The following STK3 variants were observed in gnomAD, a reference collection of about 807,000 sequenced individuals.
STK3 encodes the protein serine/threonine kinase 3.
In STK3, 41 loss-of-function variants were observed where a neutral mutation model predicts 58.0. That is an observed-to-expected ratio of 0.71 (90% CI 0.55 to 0.92). The LOEUF (loss-of-function observed/expected upper bound fraction) is 0.92, where lower values mean the gene tolerates loss of function less well. Among genes scored for constraint, STK3 ranks in the 40% least tolerant of loss-of-function variants. STK3 has a pLI of 0.00. For missense variants in STK3, 479 were observed against 602.7 expected (o/e 0.79, Z 2.15); for synonymous variants, 170 against 191.0 (o/e 0.89, Z 0.91).
intron 6 of STK3, among the ~76,000 whole-genome samples, chr8:98,677,962 T>C (rs1169617747): frequency 6.6e-6 from 1 of 152,210 alleles, no homozygotes; most frequent in Non-Finnish European, 1.5e-5. Flanking sequence ...CACATGTATA[T>C]ATCAGTGTCC....
intron 7 of STK3, among the ~76,000 whole-genome samples, chr8:98,586,029 A>C (rs924344261): frequency 6.6e-6 from 1 of 152,212 alleles, no homozygotes; most frequent in Non-Finnish European, 1.5e-5. Context: ...ATATACAATC[A>C]TGTCATCAGC....
At chr8:98,688,764 G>A (rs755207174) in intron 6 of STK3, among the ~76,000 whole-genome samples, 6 of 151,970 alleles carry the variant, frequency 3.9e-5, no homozygotes, top group Non-Finnish European at 5.9e-5. Context: ...TCTGGGATAC[G>A]GCAAAAGCAG....
intron 1 of STK3, chr8:98,782,558 G>T: frequency 3.1e-6 from 1 of 318,532 alleles, no homozygotes. Flanking sequence ...CAAGTACCAT[G>T]AAGAGCGCCT....
intron 6 of STK3, among the ~76,000 whole-genome samples, chr8:98,620,609 A>G (rs1396153318): frequency 6.6e-6 from 1 of 151,650 alleles, no homozygotes; most frequent in Non-Finnish European, 1.5e-5. Flanking sequence ...AATTTGTAGG[A>G]CACATGCTGC....
chr8:98,650,257 GATA>G (rs1264824836), intron 6 of STK3, among the ~76,000 whole-genome samples: 71 of 152,230 alleles, frequency 4.7e-4, no homozygotes, highest in African/African-American at 1.7e-3. Flanking sequence ...ACTAAATAAC[GATA>G]ATGATAATAA....
At chr8:98,941,759 C>T (rs1398110326) in intron 1 of STK3, among the ~76,000 whole-genome samples, 1 of 152,242 alleles carries the variant, frequency 6.6e-6, no homozygotes, top group Non-Finnish European at 1.5e-5. Flanking sequence ...CCTCCCGGGG[C>T]GTAAACTTGC....
intron 8 of STK3, among the ~76,000 whole-genome samples, chr8:98,562,145 T>C (rs1420533530): frequency 6.6e-6 from 1 of 152,168 alleles, no homozygotes; most frequent in East Asian, 1.9e-4. Context: ...ATCCAGCAAC[T>C]ATGATCCTAG....
At position 98,706,649 on chromosome 8, in the gene STK3, CA is replaced by C; in HGVS notation, c.517-16del. On this transcript the variant is annotated splice_polypyrimidine_tract_variant and intron_variant, in intron 5 of 10. Transcript: ENST00000419617. The stretch of plus-strand genomic sequence containing the variant: ...GCCATTGTATCCTGCAATAATGTTA[CA>C]TAGCCATAAATGCTACTACAAAAGC... 1.3e-6 allele frequency: 2 copies of C among 1,562,472 alleles called. No individual in the cohort carries two copies. The highest frequency in any genetic ancestry group is 1.7e-6 in the Non-Finnish European group (2 of 1,156,510).
At chr8:98,871,218 C>CCAGTACCAAAA (rs1442530376) in intron 3 of STK3, among the ~76,000 whole-genome samples, 10 of 152,114 alleles carry the variant, frequency 6.6e-5, no homozygotes, top group Non-Finnish European at 1.5e-4. Context: ...TGTTTTGGTA[C>CCAGTACCAAAA]CAGTACCATG....
At chr8:98,818,711 T>C (rs1225617357) in intron 1 of STK3, among the ~76,000 whole-genome samples, 1 of 152,232 alleles carries the variant, frequency 6.6e-6, no homozygotes, top group East Asian at 1.9e-4. Context: ...GTTAACACTT[T>C]GTAATTCTCA....
At chr8:98,370,420 A>G (rs1466467742), downstream of STK3, among the ~76,000 whole-genome samples, 1 of 150,258 alleles carries the variant, frequency 6.7e-6, no homozygotes, top group Non-Finnish European at 1.5e-5. Context: ...ACTGATCCCA[A>G]GCTTCAGAGT....
At chr8:98,608,739 G>A (rs1324283355) in intron 6 of STK3, among the ~76,000 whole-genome samples, 1 of 152,106 alleles carries the variant, frequency 6.6e-6, no homozygotes, top group Non-Finnish European at 1.5e-5. Flanking sequence ...AAATTCAAGT[G>A]GTAGACACGG....
chr8:98,481,078 A>G (rs1821811223), intron 10 of STK3, among the ~76,000 whole-genome samples: 1 of 152,112 alleles, frequency 6.6e-6, no homozygotes, highest in Admixed American at 6.6e-5. Flanking sequence ...GGGGAGGTGT[A>G]TCAGGATATT....
intron 10 of STK3, among the ~76,000 whole-genome samples, chr8:98,478,029 G>C (rs978768351): frequency 1.3e-5 from 2 of 152,128 alleles, no homozygotes; most frequent in Non-Finnish European, 2.9e-5. Context: ...AAATTAAACA[G>C]AGGAAAGAAC....
At position 98,806,878 on chromosome 8, in the gene STK3, A is replaced by C. The variant is rs937927655; in HGVS notation, c.26+18637T>G. On this transcript the variant is annotated intron_variant, in intron 1 of 10. Coordinates refer to ENST00000419617, the MANE Select transcript of STK3 (RefSeq NM_006281.4). ...GAACACGGTAAGATTAGGTGGGCTGAGCACGGTGGCTCACGCCTGTAATCC... is the reference window on the plus strand; with the variant it reads ...GAACACGGTAAGATTAGGTGGGCTGCGCACGGTGGCTCACGCCTGTAATCC... 1.9e-4 allele frequency among the ~76,000 whole-genome samples: 29 copies of C among 152,242 alleles called. 1 individual carries two copies. The highest frequency in any genetic ancestry group is 6.7e-4 in the African/African-American group (28 of 41,562).
intron 3 of STK3, among the ~76,000 whole-genome samples, chr8:98,420,069 T>G (rs1397898039): frequency 1.3e-5 from 2 of 152,184 alleles, no homozygotes; most frequent in Non-Finnish European, 2.9e-5. Flanking sequence ...CCCTCCCCCT[T>G]GTCCGAGGTT....
intron 10 of STK3, among the ~76,000 whole-genome samples, chr8:98,513,798 T>C (rs535882305): frequency 6.6e-6 from 1 of 152,090 alleles, no homozygotes; most frequent in African/African-American, 2.4e-5. Context: ...GAACCAGGAC[T>C]GGGGAAGAAG....
intron 6 of STK3, among the ~76,000 whole-genome samples, chr8:98,680,000 C>A (rs1223625176): frequency 6.6e-6 from 1 of 152,092 alleles, no homozygotes; most frequent in Non-Finnish European, 1.5e-5. Context: ...ATTGTTGGTA[C>A]TAAAAAGTAA....
rs187363548 is a variant in STK3, at chr8:98,406,459, C to G, written n.484-4946G>C. ...CCTTCCCCTACTCCCAACCTCCCCC[C>G]TCTAGGGTTCCCCAGTGTCTACTGT... On this transcript the variant is annotated intron_variant and non_coding_transcript_variant, in intron 3 of 3. Coordinates refer to the STK3 transcript ENST00000517832. Among the ~76,000 whole-genome samples the G allele has an allele frequency of 9.9e-5, 15 of 152,160 alleles. No homozygotes were observed. In the South Asian group the frequency reaches 1.0e-3, roughly 11 times the overall value.
Sources: allele counts gnomAD v4.1 joint callset (sites outside exome capture counted in the v4.1 genomes callset), GRCh38; gene constraint gnomAD v4.1.1; transcripts MANE v1.5; gene names NCBI Gene and HGNC (gene_info 2026-07-23, HGNC 2026-07-21).